DAG1: variants seen among roughly 807,000 people sequenced by gnomAD.
DAG1 encodes the protein dystroglycan 1 (dystrophin-associated glycoprotein 1).
A neutral mutation model predicts 46.1 loss-of-function variants in DAG1; 8 were observed. The observed-to-expected ratio is 0.17, with a 90% CI of 0.10 to 0.31. The LOEUF (loss-of-function observed/expected upper bound fraction) is 0.31, where lower values mean the gene tolerates loss of function less well. Among genes scored for constraint, DAG1 ranks in the 10% least tolerant of loss-of-function variants. The pLI is 1.00. For missense variants in DAG1, 1,003 were observed against 1,189.9 expected (o/e 0.84, Z 2.31); for synonymous variants, 495 against 481.8 (o/e 1.03, Z -0.36).
chr3:49,486,242 G>A (rs1003466488), intron 1 of DAG1, among the ~76,000 whole-genome samples: 5 of 147,068 alleles, frequency 3.4e-5, no homozygotes, highest in East Asian at 2.0e-4. Context: ...TTTTTGAGAC[G>A]GAGTCTTGCT....
intron 2 of DAG1, among the ~76,000 whole-genome samples, chr3:49,517,154 C>T (rs1364556451): frequency 3.9e-5 from 6 of 151,904 alleles, no homozygotes; most frequent in Admixed American, 1.3e-4. Flanking sequence ...CTACCATGCC[C>T]GGCTAATTTT....
chr3:49,478,449 A>T (rs1250512345), intron 1 of DAG1, among the ~76,000 whole-genome samples: 2 of 149,828 alleles, frequency 1.3e-5, no homozygotes, highest in African/African-American at 4.9e-5. Flanking sequence ...AAAAAAAAAA[A>T]AAAAAATTAG....
intron 1 of DAG1, among the ~76,000 whole-genome samples, chr3:49,480,615 A>G (rs1426555157): frequency 7.0e-6 from 1 of 143,774 alleles, no homozygotes; most frequent in Non-Finnish European, 1.6e-5. Flanking sequence ...CTAATGGTTA[A>G]TCTGTCCCTA....
intron 2 of DAG1, among the ~76,000 whole-genome samples, chr3:49,528,805 G>T (rs970659095): frequency 3.3e-5 from 5 of 151,438 alleles, no homozygotes; most frequent in African/African-American, 9.7e-5. Flanking sequence ...TTAATGAGTG[G>T]CTCAGAGAGC....
intron 1 of DAG1, among the ~76,000 whole-genome samples, chr3:49,478,728 A>T (rs573650429): frequency 1.4e-5 from 2 of 145,332 alleles, no homozygotes. Context: ...ACACCACTGC[A>T]CTCCAGACTG....
At chr3:49,500,724 G>GTGGCCAGAATC (rs1358643680) in intron 1 of DAG1, among the ~76,000 whole-genome samples, 1 of 152,204 alleles carries the variant, frequency 6.6e-6, no homozygotes, top group Non-Finnish European at 1.5e-5. Context: ...CTAGGTGGCT[G>GTGGCCAGAATC]TGGCCAGAAT....
At chr3:49,493,029 T>G (rs1298184833) in intron 1 of DAG1, 1 of 134,212 alleles carries the variant, frequency 7.5e-6, no homozygotes. Flanking sequence ...AAATCATTAT[T>G]TTTATTCTTT....
chr3:49,487,317 G>C (rs1034961083), intron 1 of DAG1: 1 of 152,230 alleles, frequency 6.6e-6, no homozygotes, highest in African/African-American at 2.4e-5. Context: ...CCCCCAGTAC[G>C]TCAAGACCCT....
chr3:49,522,475 CT>C (rs35370244), intron 2 of DAG1, among the ~76,000 whole-genome samples: 42 of 132,080 alleles, frequency 3.2e-4, no homozygotes, highest in East Asian at 6.8e-4. Context: ...CCTCCCACCC[CT>C]TTTTTTTTTT....
intron 1 of DAG1, among the ~76,000 whole-genome samples, chr3:49,495,512 C>T (rs1401075419): frequency 1.3e-5 from 2 of 152,048 alleles, no homozygotes; most frequent in African/African-American, 4.8e-5. Flanking sequence ...TGATGCAACG[C>T]GGGTGCAAGG....
chr3:49,486,185 CTTTT>C (rs1270292126), intron 1 of DAG1, among the ~76,000 whole-genome samples: 11 of 141,580 alleles, frequency 7.8e-5, no homozygotes, highest in African/African-American at 2.1e-4. Flanking sequence ...TTTTCTTTTT[CTTTT>C]ATTTATTTAT....
At position 49,534,881 on chromosome 3, in the gene DAG1, T is replaced by G. The variant is rs2051467551; in HGVS notation, c.*1682T>G. ...GTGGGTGGGTGGACCCAGGCTCCCT[T>G]TGCACACAGAGCAGCTACTTCTAAG... On this transcript the variant is annotated 3_prime_UTR_variant, in exon 3 of 3. Coordinates refer to ENST00000308775, the MANE Select transcript of DAG1 (RefSeq NM_004393.6). The G allele has an allele frequency of 6.5e-6, 1 of 153,862 alleles. No individual in the cohort carries two copies. Among genetic ancestry groups the G allele is most frequent in the Non-Finnish European group, 1.4e-5 (1 of 69,052 alleles). The allele number at this position is 153,862 out of a possible 1,614,324, so 9.5% of individuals were successfully genotyped here. A position where few individuals can be genotyped will look rare whatever the true frequency, so the allele number is the denominator to read the frequency against.
At chr3:49,515,097 G>A (rs551799256) in intron 2 of DAG1, among the ~76,000 whole-genome samples, 4 of 152,136 alleles carry the variant, frequency 2.6e-5, no homozygotes, top group South Asian at 4.2e-4. Context: ...GCCTCCCAAA[G>A]TGCTGGGGTT....
chr3:49,518,473 T>A (rs930718840), intron 2 of DAG1, among the ~76,000 whole-genome samples: 1 of 152,224 alleles, frequency 6.6e-6, no homozygotes, highest in Non-Finnish European at 1.5e-5. Flanking sequence ...TCTGTTGATA[T>A]ACCCAACAAA....
At chr3:49,474,842 C>G (rs1476676087) in intron 1 of DAG1, among the ~76,000 whole-genome samples, 1 of 145,210 alleles carries the variant, frequency 6.9e-6, no homozygotes. Flanking sequence ...GAGTCTCGCT[C>G]TGTCACCCAG....
chr3:49,472,098 G>T (rs1240619036), intron 1 of DAG1, among the ~76,000 whole-genome samples: 2 of 152,132 alleles, frequency 1.3e-5, no homozygotes, highest in Admixed American at 1.3e-4. Context: ...TTGTATGCGG[G>T]GTGCAGGAGT....
At chr3:49,526,920 A>G (rs1215277173) in intron 2 of DAG1, among the ~76,000 whole-genome samples, 1 of 152,208 alleles carries the variant, frequency 6.6e-6, no homozygotes, top group Non-Finnish European at 1.5e-5. Flanking sequence ...CATAGTTAAA[A>G]TAAGTGTATG....
chr3:49,485,866 G>A (rs1408678442), intron 1 of DAG1, among the ~76,000 whole-genome samples: 1 of 151,670 alleles, frequency 6.6e-6, no homozygotes, highest in Non-Finnish European at 1.5e-5. Context: ...TTGTTATGTT[G>A]CCCAGGCTAG....
Position 49,532,721 on chromosome 3 carries a change from C to T in DAG1, c.2210C>T (p.Pro737Leu), listed in dbSNP as rs1171326431. 1.2e-6 allele frequency: 2 copies of T among 1,614,190 alleles called. No homozygotes were observed. Among genetic ancestry groups the T allele is most frequent in the African/African-American group, 1.3e-5 (1 of 75,056 alleles). ...VPSEAPPTEV[P>L]DRDPEKSSED... ...TCAGAGGCGCCGCCCACAGAAGTGC[C>T]TGACAGGGACCCTGAGAAGAGCAGT... Residue 737 changes from proline (P) to leucine (L), a missense_variant, in exon 3 of 3, where the codon CCT (proline) becomes CTT (leucine). By Grantham distance (98) the Pro-to-Leu change is moderately conservative. Around this residue, in one of 3 missense-constraint regions of DAG1, gnomAD observed 755 missense variants for 854.1 expected, o/e 0.88. Coordinates refer to ENST00000308775, the MANE Select transcript of DAG1 (RefSeq NM_004393.6). This position sits in a 1 kb window ranked among gnomAD's most constrained non-coding sequence, Gnocchi z 5.4.
Sources: allele counts gnomAD v4.1 joint callset (sites outside exome capture counted in the v4.1 genomes callset), GRCh38; gene constraint gnomAD v4.1.1; regional missense constraint gnomAD v4.1.1; non-coding constraint Gnocchi (gnomAD v3.1); transcripts MANE v1.5; gene names NCBI Gene and HGNC (gene_info 2026-07-23, HGNC 2026-07-21).